The following MAP2 variants were observed in gnomAD, a reference collection of about 807,000 sequenced individuals.
The protein encoded by MAP2 is microtubule-associated protein 2.
A neutral mutation model predicts 137.6 loss-of-function variants in MAP2; 14 were observed. The ratio of observed to expected loss-of-function variants is 0.10; its 90% confidence interval spans 0.07 to 0.16. The LOEUF is 0.16. Among genes scored for constraint, MAP2 ranks in the 10% least tolerant of loss-of-function variants. MAP2 has a pLI of 1.00. For missense variants in MAP2, 2,088 were observed against 2,191.5 expected, an observed-to-expected ratio of 0.95 and a Z score of 0.94; for synonymous variants, 786 against 782.3, an observed-to-expected ratio of 1.00 and a Z score of -0.08.
chr2:209,610,978 T>A (rs2086648142), intron 3 of MAP2, among the ~76,000 whole-genome samples: 1 of 152,152 alleles, frequency 6.6e-6, no homozygotes, highest in Non-Finnish European at 1.5e-5. Context: ...AAAGCTTTCA[T>A]TAAATTCTAC....
intron 1 of MAP2, among the ~76,000 whole-genome samples, chr2:209,458,703 G>A (rs1373843991): frequency 6.6e-6 from 1 of 152,152 alleles, no homozygotes; most frequent in Non-Finnish European, 1.5e-5. Context: ...GTAGAGCTCA[G>A]TATTTCCAAA....
At chr2:209,721,225 G>GT (rs2070737033) in intron 13 of MAP2, among the ~76,000 whole-genome samples, 1 of 152,152 alleles carries the variant, frequency 6.6e-6, no homozygotes, top group Admixed American at 6.5e-5. Context: ...ATCCAAAGAG[G>GT]TTTATGCTTC....
chr2:209,725,610 C>A, intron 13 of MAP2, 99 bp from the exon 14 acceptor site: 2 of 585,580 alleles, frequency 3.4e-6, no homozygotes, highest in South Asian at 3.4e-5. Flanking sequence ...TATGTTGTTG[C>A]ATGTTGTGAC....
At chr2:209,682,078 T>C (rs1247258513) in intron 7 of MAP2, among the ~76,000 whole-genome samples, 1 of 152,194 alleles carries the variant, frequency 6.6e-6, no homozygotes, top group Admixed American at 6.5e-5. Flanking sequence ...TTTTAATTTA[T>C]AGGTTTGAAA....
intron 2 of MAP2, among the ~76,000 whole-genome samples, chr2:209,555,959 TG>T (rs1368287828): frequency 2.0e-5 from 3 of 152,012 alleles, no homozygotes; most frequent in African/African-American, 7.2e-5. Flanking sequence ...GTATTAGTTC[TG>T]GAAAAGCTGG....
At chr2:209,590,950 C>T (rs2079076641) in intron 3 of MAP2, among the ~76,000 whole-genome samples, 1 of 152,106 alleles carries the variant, frequency 6.6e-6, no homozygotes, top group African/African-American at 2.4e-5. Flanking sequence ...TTATTTAATG[C>T]ATATTATATG....
chr2:209,572,565 G>T (rs527932131), intron 2 of MAP2, among the ~76,000 whole-genome samples: 1 of 152,154 alleles, frequency 6.6e-6, no homozygotes, highest in East Asian at 1.9e-4. Flanking sequence ...AGAATACCTA[G>T]TAAACTTAAA....
At chr2:209,487,081 A>G (rs10179969) in intron 1 of MAP2, among the ~76,000 whole-genome samples, 28,611 of 152,126 alleles carry the variant, frequency 0.19, 3,256 homozygotes, top group Non-Finnish European at 0.26. Flanking sequence ...GTATGAAAAT[A>G]TACTTTATGA....
chr2:209,639,986 A>G (rs1159552451), intron 4 of MAP2, among the ~76,000 whole-genome samples: 1 of 152,106 alleles, frequency 6.6e-6, no homozygotes, highest in Non-Finnish European at 1.5e-5. Context: ...TCATTTTGGT[A>G]TCTTTCTAGA....
intron 1 of MAP2, among the ~76,000 whole-genome samples, chr2:209,458,568 C>T (rs1490328569): frequency 1.3e-5 from 2 of 152,024 alleles, no homozygotes; most frequent in African/African-American, 4.8e-5. Context: ...GTTGAGACTG[C>T]CTAAAGGGGA....
chr2:209,517,145 A>G lies in MAP2; in HGVS notation c.-172+9504A>G, dbSNP rs2062625714. Among the ~76,000 whole-genome samples the G allele has an allele frequency of 2.0e-5, 3 of 152,242 alleles. 1 individual carries two copies. In the South Asian group the frequency reaches 6.2e-4, roughly 32 times the overall value. On this transcript the variant is annotated intron_variant, in intron 2 of 15. Transcript: ENST00000682079. ...CAGGCATCATCCTCCCTCTTCCGCC[A>G]TACCTGGAACTGCTGTGTTCCTCTT...
In MAP2 at chr2:209,647,831, TTTAGCTTTTGA is replaced by T. The variant is rs562339623; in HGVS notation, c.-29-5309_-29-5299del. On this transcript the variant is annotated intron_variant, in intron 4 of 15. Transcript: ENST00000682079. ...AGCTGGAATTTTAAAAAACCGAAGTTTTAGCTTTTGATGAAGTAGAAATAAATGTGTCCATA... is the reference window on the plus strand; with the variant it reads ...AGCTGGAATTTTAAAAAACCGAAGTTTGAAGTAGAAATAAATGTGTCCATA... Among the ~76,000 whole-genome samples the T allele has an allele frequency of 2.8e-4, 42 of 152,264 alleles. No individual in the cohort carries two copies. In the South Asian group the frequency reaches 8.5e-3, roughly 31 times the overall value.
chr2:209,643,415 A>G (rs2094179007), intron 4 of MAP2, among the ~76,000 whole-genome samples: 1 of 152,184 alleles, frequency 6.6e-6, no homozygotes. Context: ...TTCAGCACAC[A>G]TGTCTCAGTG....
At chr2:209,688,327 T>A (rs1477358986) in intron 7 of MAP2, among the ~76,000 whole-genome samples, 1 of 152,110 alleles carries the variant, frequency 6.6e-6, no homozygotes, top group Non-Finnish European at 1.5e-5. Context: ...AGAAGATGAC[T>A]CTGAATATAA....
At chr2:209,666,229 A>G (rs752868451) in intron 5 of MAP2, among the ~76,000 whole-genome samples, 3 of 152,146 alleles carry the variant, frequency 2.0e-5, no homozygotes, top group Non-Finnish European at 2.9e-5. Context: ...TTTTTCTCCA[A>G]ATATTGCACT....
intron 4 of MAP2, among the ~76,000 whole-genome samples, chr2:209,638,493 G>T (rs1001650679): frequency 6.6e-6 from 1 of 152,028 alleles, no homozygotes; most frequent in Non-Finnish European, 1.5e-5. Context: ...AAAGAAAGAA[G>T]AGAAATGACT....
chr2:209,639,765 T>C (rs2093862032), intron 4 of MAP2, among the ~76,000 whole-genome samples: 1 of 152,162 alleles, frequency 6.6e-6, no homozygotes, highest in African/African-American at 2.4e-5. Flanking sequence ...ATGAGGTTTT[T>C]TTTTTTGGTT....
chr2:209,659,912 C>T (rs1308179106), intron 5 of MAP2, among the ~76,000 whole-genome samples: 2 of 151,924 alleles, frequency 1.3e-5, no homozygotes, highest in African/African-American at 4.8e-5. Context: ...GTGGCGGGCG[C>T]GTGTAGTCCC....
intron 2 of MAP2, among the ~76,000 whole-genome samples, chr2:209,537,525 C>A (rs2066163415): frequency 6.6e-6 from 1 of 152,140 alleles, no homozygotes; most frequent in Non-Finnish European, 1.5e-5. Flanking sequence ...CTGGATAATG[C>A]AATTAATTAG....
Sources: gnomAD v4.1 joint callset for allele counts (sites outside exome capture counted in the v4.1 genomes callset) on GRCh38, gnomAD v4.1.1 for gene constraint, MANE v1.5 for transcripts, NCBI Gene and HGNC (gene_info 2026-07-23, HGNC 2026-07-21) for gene names.